TMED2: variants seen among roughly 807,000 people sequenced by gnomAD.
The protein encoded by TMED2 is transmembrane p24 trafficking protein 2.
A neutral mutation model predicts 17.5 loss-of-function variants in TMED2; 3 were observed. The ratio of observed to expected loss-of-function variants is 0.17; its 90% CI spans 0.08 to 0.44. TMED2 has a LOEUF of 0.44. Among genes scored for constraint, TMED2 ranks in the 20% least tolerant of loss-of-function variants. TMED2 has a pLI of 0.99. For synonymous variants in TMED2, 95 were observed against 91.0 expected, an observed-to-expected ratio of 1.04 and a Z score of -0.25; for missense variants, 149 against 254.8, an observed-to-expected ratio of 0.58 and a Z score of 2.83.
chr12:123,584,890 C>G (rs1886309671), intron 1 of TMED2, 74 bp downstream of exon 1: 1 of 1,565,690 alleles, frequency 6.4e-7, no homozygotes, highest in African/African-American at 1.3e-5. Context: ...GGGACCGGCG[C>G]GGGGCCTGTG....
rs772034878 is a variant in TMED2, at chr12:123,584,611, G to T, written c.-26G>T. 2 of 1,599,820 alleles carry T rather than the reference G, an allele frequency of 1.3e-6. No homozygotes were observed. The highest frequency in any genetic ancestry group is 2.2e-5 in the East Asian group (1 of 44,598). On this transcript the variant is annotated 5_prime_UTR_variant, in exon 1 of 4. Transcript: ENST00000262225. ...GGCGGCTGTGGAGGCCGCAGTCCGGGTCCTGGCTTCGGCCTCAGCCCCACC... is the reference window on the plus strand; with the variant it reads ...GGCGGCTGTGGAGGCCGCAGTCCGGTTCCTGGCTTCGGCCTCAGCCCCACC...
intron 2 of TMED2, among the ~76,000 whole-genome samples, chr12:123,589,940 G>A (rs1350586949): frequency 6.6e-6 from 1 of 151,284 alleles, no homozygotes; most frequent in African/African-American, 2.4e-5. Flanking sequence ...AGCTATAATT[G>A]CACCACTGTA....
At chr12:123,589,703 T>C (rs1953377305) in intron 2 of TMED2, among the ~76,000 whole-genome samples, 1 of 152,138 alleles carries the variant, frequency 6.6e-6, no homozygotes, top group East Asian at 1.9e-4. Flanking sequence ...CAAAAGTAGC[T>C]TCTTTTGCAG....
At chr12:123,591,816 G>A (rs891282948) in intron 3 of TMED2, among the ~76,000 whole-genome samples, 9 of 151,774 alleles carry the variant, frequency 5.9e-5, no homozygotes, top group African/African-American at 2.2e-4. Flanking sequence ...GTATAGTGAC[G>A]CATCTCTGTA....
At chr12:123,586,069 C>G (rs1163669313) in intron 1 of TMED2, 2 of 152,124 alleles carry the variant, frequency 1.3e-5, no homozygotes, top group South Asian at 2.1e-4. Context: ...TGCAGAAATT[C>G]TTTATTTTAA....
At chr12:123,595,855 C>T (rs1953427025) in intron 3 of TMED2, among the ~76,000 whole-genome samples, 1 of 152,062 alleles carries the variant, frequency 6.6e-6, no homozygotes, top group Admixed American at 6.6e-5. Flanking sequence ...ATAGCAAGAC[C>T]CTTTCTCTAC....
chr12:123,596,182 C>T (rs1953429761), intron 3 of TMED2, among the ~76,000 whole-genome samples: 1 of 152,106 alleles, frequency 6.6e-6, no homozygotes, highest in African/African-American at 2.4e-5. Context: ...CCCATGCAAC[C>T]ATTCTGTTTT....
chr12:123,590,818 T>C (rs1010047683), intron 3 of TMED2, among the ~76,000 whole-genome samples: 1 of 152,070 alleles, frequency 6.6e-6, no homozygotes, highest in African/African-American at 2.4e-5. Context: ...ACCTCGTCTC[T>C]ACAAAAAATA....
intron 2 of TMED2, among the ~76,000 whole-genome samples, chr12:123,587,449 T>C (rs1256727157): frequency 1.3e-5 from 2 of 152,212 alleles, no homozygotes; most frequent in African/African-American, 4.8e-5. Flanking sequence ...CTTAGTCATT[T>C]TGTGCTCTTG....
rs1181592154 is a variant in TMED2, at chr12:123,594,046, GTCC to G, written c.482-2554_482-2552del. 6.0e-5 allele frequency among the ~76,000 whole-genome samples: 9 copies of G among 150,968 alleles called. No homozygotes were observed. In the South Asian group the frequency reaches 6.3e-4, roughly 11 times the overall value. ...GGCCTCTGACTCCTGAGCAAAAGCAGTCCTCCTGTCTCAGCCTCCCAAAGTCCT... is the reference window on the plus strand; with the variant it reads ...GGCCTCTGACTCCTGAGCAAAAGCAGTCCTGTCTCAGCCTCCCAAAGTCCT... On this transcript the variant is annotated intron_variant, in intron 3 of 3. Transcript: ENST00000262225.
chr12:123,596,814 T>C lies in TMED2; in HGVS notation c.*85T>C. ...AATAATGTCATTAGTTTCTCCATTT[T>C]TATTTTCTGAACTGTACATTCACAA... is the stretch of plus-strand genomic sequence containing the variant. On this transcript the variant is annotated 3_prime_UTR_variant, in exon 4 of 4. Transcript: ENST00000262225. The C allele has an allele frequency of 6.9e-7, 1 of 1,439,178 alleles. No homozygotes were observed. The highest frequency in any genetic ancestry group is 9.2e-7 in the Non-Finnish European group (1 of 1,087,734). The allele number at this position is 1,439,178 out of a possible 1,614,324, so 89.2% of individuals were successfully genotyped here. A position where few individuals can be genotyped will look rare whatever the true frequency, so the allele number is the denominator to read the frequency against.
rs1447285624 is a variant in TMED2, at chr12:123,585,902, C to G, written c.181-845C>G. 2.6e-5 allele frequency: 4 copies of G among 152,116 alleles called. No individual in the cohort carries two copies. In the East Asian group the frequency reaches 7.7e-4, roughly 29 times the overall value. The allele number at this position is 152,116 out of a possible 1,614,324, so 9.4% of individuals were successfully genotyped here. Reference sequence around the variant, plus strand: ...ACTGTTTGGCAGTAATCTGGAAAACCTTGAAATGTGATAAAAATTCATCTT... The same window carrying G: ...ACTGTTTGGCAGTAATCTGGAAAACGTTGAAATGTGATAAAAATTCATCTT... On this transcript the variant is annotated intron_variant, in intron 1 of 3. Coordinates refer to ENST00000262225, the MANE Select transcript of TMED2 (RefSeq NM_006815.4).
At chr12:123,586,705 T>TA (rs754789029) in intron 1 of TMED2, 42 bp from the exon 2 acceptor site, 16 of 1,543,360 alleles carry the variant, frequency 1.0e-5, no homozygotes, top group Middle Eastern at 1.9e-4. Context: ...GTCTATGACT[T>TA]AATCTTTTGT....
rs1034562337 is a variant in TMED2 at position 123,584,586 on chromosome 12, G to A, written c.-51G>A. The A allele has an allele frequency of 3.0e-5, 47 of 1,568,466 alleles. No individual in the cohort carries two copies. The highest frequency in any genetic ancestry group is 3.6e-5 in the Admixed American group (2 of 54,818). On this transcript the variant is annotated 5_prime_UTR_variant, in exon 1 of 4. Coordinates refer to ENST00000262225, the MANE Select transcript of TMED2 (RefSeq NM_006815.4). Reference sequence around the variant, plus strand: ...GCGGGGCGGCGGCGGCGGCGGCGGCGGCGGCTGTGGAGGCCGCAGTCCGGG... The same window carrying A: ...GCGGGGCGGCGGCGGCGGCGGCGGCAGCGGCTGTGGAGGCCGCAGTCCGGG...
intron 2 of TMED2, among the ~76,000 whole-genome samples, chr12:123,587,875 A>G (rs60314176): frequency 0.02 from 2,988 of 152,306 alleles, 79 homozygotes; most frequent in African/African-American, 0.064. Context: ...TAGTAGTAAC[A>G]TCTTTGTTCT....
intron 3 of TMED2, among the ~76,000 whole-genome samples, chr12:123,593,428 A>C (rs945524986): frequency 6.6e-6 from 1 of 152,096 alleles, no homozygotes; most frequent in African/African-American, 2.4e-5. Flanking sequence ...GACGTTGTAA[A>C]TAATTGCATT....
At chr12:123,594,436 C>T (rs1441599683) in intron 3 of TMED2, among the ~76,000 whole-genome samples, 1 of 152,002 alleles carries the variant, frequency 6.6e-6, no homozygotes, top group African/African-American at 2.4e-5. Flanking sequence ...GCCCAGCCTA[C>T]ATAGTAATTA....
chr12:123,591,260 G>A (rs765339357), intron 3 of TMED2, among the ~76,000 whole-genome samples: 4 of 152,210 alleles, frequency 2.6e-5, no homozygotes, highest in Non-Finnish European at 5.9e-5. Flanking sequence ...GGGTCCTCAA[G>A]TTTGTAAGTT....
chr12:123,587,026 ATTT>A (rs1953353057), intron 2 of TMED2, 87 bp downstream of exon 2: 1 of 1,223,042 alleles, frequency 8.2e-7, no homozygotes, highest in Non-Finnish European at 1.1e-6. Flanking sequence ...TGGAGTACTT[ATTT>A]TTTTTAAATT....
Sources: gnomAD v4.1 joint callset for allele counts (sites outside exome capture counted in the v4.1 genomes callset) on GRCh38, gnomAD v4.1.1 for gene constraint, MANE v1.5 for transcripts, NCBI Gene and HGNC (gene_info 2026-07-23, HGNC 2026-07-21) for gene names.